Variants in HAT1 observed in about 807,000 individuals in gnomAD.
HAT1 encodes the protein histone acetyltransferase 1.
Under a neutral mutation model 56.6 loss-of-function variants are expected in HAT1, and 20 were observed. That is an observed-to-expected ratio of 0.35 (90% CI 0.25 to 0.51). The LOEUF is 0.51. Ranked by LOEUF, HAT1 falls within the 20% of genes least tolerant of loss-of-function variation. The pLI is 0.95. For synonymous variants in HAT1, 146 were observed against 165.5 expected (o/e 0.88, Z 0.91); for missense variants, 408 against 504.3 (o/e 0.81, Z 1.83).
chr2:171,962,722 T>G (rs1263327630), intron 4 of HAT1, among the ~76,000 whole-genome samples: 1 of 152,200 alleles, frequency 6.6e-6, no homozygotes, highest in African/African-American at 2.4e-5. Context: ...TTTTTTGAAA[T>G]TCTAGTTCCC....
intron 3 of HAT1, among the ~76,000 whole-genome samples, chr2:171,947,006 A>G (rs1026356511): frequency 3.3e-5 from 5 of 152,068 alleles, no homozygotes; most frequent in African/African-American, 7.3e-5. Context: ...AGCAGTATTA[A>G]TGATGGTATT....
chr2:171,960,329 C>T (rs1687543084), intron 4 of HAT1, among the ~76,000 whole-genome samples: 1 of 152,020 alleles, frequency 6.6e-6, no homozygotes, highest in South Asian at 2.1e-4. Flanking sequence ...CCCCATTGCC[C>T]AAGTTCAATT....
At chr2:171,945,153 G>A (rs1008789025) in intron 2 of HAT1, among the ~76,000 whole-genome samples, 1 of 152,038 alleles carries the variant, frequency 6.6e-6, no homozygotes, top group Non-Finnish European at 1.5e-5. Flanking sequence ...TTACAGGTGT[G>A]AGCCACCGCG....
chr2:171,947,103 C>G (rs1687186498), intron 3 of HAT1, among the ~76,000 whole-genome samples: 1 of 152,148 alleles, frequency 6.6e-6, no homozygotes, highest in African/African-American at 2.4e-5. Context: ...GGCAATCTGA[C>G]TCCAGAGCCC....
chr2:171,965,073 T>C (rs1244170688), intron 4 of HAT1: 2 of 333,652 alleles, frequency 6.0e-6, no homozygotes, highest in Non-Finnish European at 1.1e-5. Flanking sequence ...ATAATGGAAA[T>C]GTCCATAGCA....
intron 2 of HAT1, 62 bp from the exon 3 acceptor site, chr2:171,946,646 C>G: frequency 1.1e-6 from 1 of 931,950 alleles, no homozygotes; most frequent in South Asian, 1.4e-5. Flanking sequence ...AATAGGAATA[C>G]CTGTCACCTT....
intron 5 of HAT1, 99 bp downstream of exon 5, chr2:171,965,616 G>A: frequency 1.0e-6 from 1 of 990,004 alleles, no homozygotes; most frequent in Non-Finnish European, 1.5e-6. Flanking sequence ...CAGTAAACAA[G>A]TTTTAATCAG....
chr2:171,966,431 G>A lies in HAT1; in HGVS notation c.634G>A (p.Gly212Arg). ...CAGATTTGAGAAGTATAATAAGGAT[G>A]GAGCTACGCTCTTTGCGACCGTAGG... Reference protein sequence around the residue: ...FLVFEKYNKDGATLFATVGYM... With the variant: ...FLVFEKYNKDRATLFATVGYM... The change falls in exon 7 of 11, where the codon GGA (glycine) becomes AGA (arginine). Residue 212 changes from glycine (G) to arginine (R), a missense_variant. Gly to Arg is a moderately radical substitution (Grantham distance 125, BLOSUM62 -2). Transcript: ENST00000264108. 1 of 1,586,202 alleles carries A rather than the reference G, an allele frequency of 6.3e-7. No individual in the cohort carries two copies. Among genetic ancestry groups the A allele is most frequent in the Middle Eastern group, 1.7e-4 (1 of 6,006 alleles).
At chr2:171,944,662 T>G (rs1687112542) in intron 2 of HAT1, among the ~76,000 whole-genome samples, 1 of 152,210 alleles carries the variant, frequency 6.6e-6, no homozygotes, top group African/African-American at 2.4e-5. Context: ...CTGTACTTCA[T>G]ATTGCATTGA....
intron 2 of HAT1, among the ~76,000 whole-genome samples, chr2:171,929,964 C>T (rs1686697900): frequency 6.6e-6 from 1 of 152,158 alleles, no homozygotes; most frequent in Admixed American, 6.5e-5. Flanking sequence ...AAAGTTCTGA[C>T]TAATCTTAAG....
chr2:171,976,265 A>C lies in HAT1; in HGVS notation c.932A>C (p.Glu311Ala). 6.3e-7 allele frequency: 1 copy of C among 1,597,466 alleles called. No homozygotes were observed. Among genetic ancestry groups the C allele is most frequent in the Non-Finnish European group, 8.5e-7 (1 of 1,170,538 alleles). The change falls in exon 9 of 11, where the codon GAA becomes GCA. Residue 311 changes from glutamate to alanine, a missense_variant. Glu to Ala is a moderately radical substitution (Grantham distance 107). Coordinates refer to ENST00000264108, the MANE Select transcript of HAT1 (RefSeq NM_003642.4). ...SREKLMQGFN[E>A]DMVIEAQQKF... ...GAAAAATTAATGCAAGGATTCAATGAAGATATGGTGATAGAGGCACAACAG... is the reference window on the plus strand; with the variant it reads ...GAAAAATTAATGCAAGGATTCAATGCAGATATGGTGATAGAGGCACAACAG...
chr2:171,928,930 A>G (rs914232215), intron 2 of HAT1, among the ~76,000 whole-genome samples: 6 of 152,210 alleles, frequency 3.9e-5, no homozygotes, highest in Admixed American at 2.6e-4. Context: ...TTGTGGACAT[A>G]TGATTTTATT....
At chr2:171,939,316 G>T (rs944159748) in intron 2 of HAT1, among the ~76,000 whole-genome samples, 1 of 152,142 alleles carries the variant, frequency 6.6e-6, no homozygotes, top group African/African-American at 2.4e-5. Flanking sequence ...CCCAGTGTTC[G>T]CTCGTCACCC....
Position 171,950,872 on chromosome 2 carries a change from C to T in HAT1, c.189-2009C>T, listed in dbSNP as rs190434633. On this transcript the variant is annotated intron_variant, in intron 3 of 10. Coordinates refer to ENST00000264108, the MANE Select transcript of HAT1 (RefSeq NM_003642.4). ...CCAGGCTGGAGTGCAATGAATGGTGCGATCTCGGCTCACTGCAAGCTGCGC... is the reference window on the plus strand; with the variant it reads ...CCAGGCTGGAGTGCAATGAATGGTGTGATCTCGGCTCACTGCAAGCTGCGC... 9.6e-4 allele frequency among the ~76,000 whole-genome samples: 146 copies of T among 152,094 alleles called. 1 individual carries two copies. The highest frequency in any genetic ancestry group is 7.0e-3 in the East Asian group (36 of 5,154).
At chr2:171,947,883 A>G (rs1362592017) in intron 3 of HAT1, among the ~76,000 whole-genome samples, 1 of 152,186 alleles carries the variant, frequency 6.6e-6, no homozygotes, top group African/African-American at 2.4e-5. Flanking sequence ...TCTCAAAAAA[A>G]CAAAAACAAA....
chr2:171,948,210 G>A (rs1687219144), intron 3 of HAT1, among the ~76,000 whole-genome samples: 1 of 152,048 alleles, frequency 6.6e-6, no homozygotes, highest in Non-Finnish European at 1.5e-5. Flanking sequence ...AATAACCATG[G>A]AAGAGTTGTA....
At chr2:171,965,736 C>G (rs1172348947) in intron 5 of HAT1, 51 bp from the exon 6 acceptor site, 5 of 1,579,112 alleles carry the variant, frequency 3.2e-6, no homozygotes, top group Non-Finnish European at 2.6e-6. Flanking sequence ...TGCGGACTTT[C>G]ACTTACCTTT....
At chr2:171,923,582 C>G (rs753523483) in intron 1 of HAT1, 1 of 152,208 alleles carries the variant, frequency 6.6e-6, no homozygotes, top group African/African-American at 2.4e-5. Flanking sequence ...GCCTTTGTTG[C>G]TTTTATCATC....
At chr2:171,924,013 C>A (rs1686510248) in intron 1 of HAT1, 1 of 152,114 alleles carries the variant, frequency 6.6e-6, no homozygotes, top group African/African-American at 2.4e-5. Flanking sequence ...TGCTCTAGTT[C>A]CCTGAGCTTA....
Sources: allele counts gnomAD v4.1 joint callset (sites outside exome capture counted in the v4.1 genomes callset), GRCh38; gene constraint gnomAD v4.1.1; transcripts MANE v1.5; gene names NCBI Gene and HGNC (gene_info 2026-07-23, HGNC 2026-07-21).